The following MAML2 variants were observed in gnomAD, a reference collection of about 807,000 sequenced individuals.
MAML2 encodes mastermind-like protein 2.
MAML2 carries 22 observed loss-of-function variants against 96.1 expected under a neutral mutation model. That is an observed-to-expected ratio of 0.23 (90% CI 0.16 to 0.33). The LOEUF is 0.33. Among genes scored for constraint, MAML2 ranks in the 10% least tolerant of loss-of-function variants. The pLI is 1.00. For missense variants in MAML2, 1,367 were observed against 1,392.4 expected, an observed-to-expected ratio of 0.98 and a Z score of 0.29; for synonymous variants, 561 against 521.3, an observed-to-expected ratio of 1.08 and a Z score of -1.04.
intron 1 of MAML2, among the ~76,000 whole-genome samples, chr11:96,321,577 G>T (rs904096216): frequency 3.3e-5 from 5 of 152,166 alleles, no homozygotes; most frequent in African/African-American, 1.2e-4. Context: ...TGGCGTTTGG[G>T]ATATTATTTG....
rs140069378 is a variant in MAML2 at position 96,043,311 on chromosome 11, C to T, written c.2139+48581G>A. ...CAGCACTATGACTAGAGAGTACAGA[C>T]AGGGAGGTCCAGGCAGAAGGTCCAA... On this transcript the variant is annotated intron_variant, in intron 2 of 4. Transcript: ENST00000524717. Among the ~76,000 whole-genome samples the T allele has an allele frequency of 5.5e-4, 83 of 152,254 alleles. 1 individual carries two copies. The highest frequency in any genetic ancestry group is 1.9e-3 in the African/African-American group (78 of 41,542).
At chr11:96,286,291 A>G (rs1188236958) in intron 1 of MAML2, among the ~76,000 whole-genome samples, 4 of 152,186 alleles carry the variant, frequency 2.6e-5, no homozygotes, top group Non-Finnish European at 5.9e-5. Flanking sequence ...ACATGAACAC[A>G]TTGCGGGGAA....
chr11:96,215,707 CCTGCAG>C (rs1394326766), intron 1 of MAML2, among the ~76,000 whole-genome samples: 6 of 152,056 alleles, frequency 3.9e-5, no homozygotes, highest in Non-Finnish European at 8.8e-5. Flanking sequence ...CTCCTCCACA[CCTGCAG>C]CTGGGCAGAG....
In MAML2 at chr11:96,264,196, G is replaced by A. The variant is rs12287625; in HGVS notation, c.513+77187C>T. Reference sequence around the variant, plus strand: ...AGCCCAATGCAGAGGTTACAGGTCCGTAACTTTTGTAAAGCCCCCTCACAA... The same window carrying A: ...AGCCCAATGCAGAGGTTACAGGTCCATAACTTTTGTAAAGCCCCCTCACAA... On this transcript the variant is annotated intron_variant, in intron 1 of 4. Transcript: ENST00000524717. Among the ~76,000 whole-genome samples, 381 of 152,158 alleles carry A rather than the reference G, an allele frequency of 2.5e-3. 11 individuals are homozygous for A. Among genetic ancestry groups the A allele is most frequent in the Admixed American group, 0.023 (353 of 15,276 alleles).
At chr11:96,063,272 C>A (rs1446331711) in intron 2 of MAML2, among the ~76,000 whole-genome samples, 1 of 152,162 alleles carries the variant, frequency 6.6e-6, no homozygotes, top group Non-Finnish European at 1.5e-5. Context: ...CATCTGCACA[C>A]TCTTTTATGC....
At chr11:96,004,180 A>G (rs1934679805) in intron 2 of MAML2, among the ~76,000 whole-genome samples, 1 of 152,152 alleles carries the variant, frequency 6.6e-6, no homozygotes, top group Non-Finnish European at 1.5e-5. Flanking sequence ...AAATATTTGG[A>G]AAGTATTATG....
intron 1 of MAML2, among the ~76,000 whole-genome samples, chr11:96,207,170 C>T (rs909132349): frequency 6.6e-6 from 1 of 152,318 alleles, no homozygotes; most frequent in Admixed American, 6.5e-5. Flanking sequence ...ATCTGGAAAT[C>T]TATGGCTTTG....
chr11:96,240,442 C>T (rs903641923), intron 1 of MAML2, among the ~76,000 whole-genome samples: 4 of 149,230 alleles, frequency 2.7e-5, no homozygotes, highest in African/African-American at 9.8e-5. Flanking sequence ...CCCAGCTACT[C>T]GGGAGGCTGA....
chr11:96,224,543 T>A (rs1394080321), intron 1 of MAML2, among the ~76,000 whole-genome samples: 1 of 152,250 alleles, frequency 6.6e-6, no homozygotes, highest in Non-Finnish European at 1.5e-5. Flanking sequence ...CAATGTTAAT[T>A]AACTTTCTTC....
At chr11:96,225,291 G>A (rs1234663878) in intron 1 of MAML2, among the ~76,000 whole-genome samples, 3 of 152,172 alleles carry the variant, frequency 2.0e-5, no homozygotes, top group African/African-American at 7.2e-5. Flanking sequence ...CAGCCACCAT[G>A]TCAGGAGGAC....
At chr11:96,063,700 T>C (rs1859203144) in intron 2 of MAML2, among the ~76,000 whole-genome samples, 1 of 152,220 alleles carries the variant, frequency 6.6e-6, no homozygotes, top group African/African-American at 2.4e-5. Flanking sequence ...CTCCAAAGCC[T>C]ATGGCTTTTT....
chr11:96,205,671 A>G (rs1460362610), intron 1 of MAML2, among the ~76,000 whole-genome samples: 1 of 152,240 alleles, frequency 6.6e-6, no homozygotes, highest in African/African-American at 2.4e-5. Flanking sequence ...TTGCTCTTGC[A>G]GTAGCCCAAA....
chr11:96,076,655 C>T (rs1445950524), intron 2 of MAML2, among the ~76,000 whole-genome samples: 1 of 152,178 alleles, frequency 6.6e-6, no homozygotes, highest in African/African-American at 2.4e-5. Context: ...CCTCTGGCTT[C>T]ACTACAGAAT....
chr11:96,269,913 T>A (rs575823174), intron 1 of MAML2, among the ~76,000 whole-genome samples: 1 of 144,274 alleles, frequency 6.9e-6, no homozygotes, highest in Non-Finnish European at 1.5e-5. Flanking sequence ...CTCTAAACGT[T>A]GGGAGCCCCA....
intron 1 of MAML2, among the ~76,000 whole-genome samples, chr11:96,332,334 G>T (rs562894833): frequency 9.7e-4 from 148 of 152,308 alleles, no homozygotes; most frequent in African/African-American, 3.4e-3. Flanking sequence ...CGCTCTCTCA[G>T]AAAGATATTG....
At chr11:96,166,631 G>A (rs910295705) in intron 1 of MAML2, among the ~76,000 whole-genome samples, 6 of 152,186 alleles carry the variant, frequency 3.9e-5, no homozygotes, top group South Asian at 2.1e-4. Flanking sequence ...TCTGAGGTTC[G>A]CTGGCATTCA....
At chr11:96,202,884 T>C (rs1861846150) in intron 1 of MAML2, among the ~76,000 whole-genome samples, 1 of 152,124 alleles carries the variant, frequency 6.6e-6, no homozygotes, top group Admixed American at 6.6e-5. Flanking sequence ...CGCCTCGGCC[T>C]CCCAAAGTGC....
chr11:96,323,473 A>G (rs571644131), intron 1 of MAML2, among the ~76,000 whole-genome samples: 85 of 127,110 alleles, frequency 6.7e-4, no homozygotes, highest in African/African-American at 2.6e-3. Context: ...ATTGCCCTTT[A>G]CAAAATGCTG....
intron 2 of MAML2, among the ~76,000 whole-genome samples, chr11:96,086,008 G>C (rs1859604751): frequency 6.6e-6 from 1 of 152,178 alleles, no homozygotes; most frequent in Non-Finnish European, 1.5e-5. Flanking sequence ...GAAATTTGTT[G>C]ACTTAGGGGA....
Sources: gnomAD v4.1 joint callset for allele counts (sites outside exome capture counted in the v4.1 genomes callset) on GRCh38, gnomAD v4.1.1 for gene constraint, MANE v1.5 for transcripts, NCBI Gene and HGNC (gene_info 2026-07-23, HGNC 2026-07-21) for gene names.